Variants in NBAS observed in about 807,000 individuals in gnomAD.
NBAS encodes the protein NAG/BC035112 fusion.
In NBAS, 219 loss-of-function variants were observed where a neutral mutation model predicts 302.5. The ratio of observed to expected loss-of-function variants is 0.72; its 90% CI spans 0.65 to 0.81. The LOEUF is 0.81. NBAS is among the 30% of genes least tolerant of loss of function. The pLI, the probability that NBAS is intolerant of heterozygous loss-of-function variation, is 0.00. For missense variants in NBAS, 2,932 were observed against 2,841.6 expected (o/e 1.03, Z -0.72); for synonymous variants, 1,118 against 1,021.6 (o/e 1.09, Z -1.80).
chr2:15,537,063 T>C (rs760596492), intron 7 of NBAS, among the ~76,000 whole-genome samples: 1 of 152,206 alleles, frequency 6.6e-6, no homozygotes, highest in Non-Finnish European at 1.5e-5. Context: ...TGCTAAAGAT[T>C]TGAAGGCCTG....
chr2:15,279,264 T>C (rs1024119746), intron 42 of NBAS, among the ~76,000 whole-genome samples: 11 of 152,174 alleles, frequency 7.2e-5, no homozygotes, highest in Non-Finnish European at 1.2e-4. Context: ...TATCAACTTA[T>C]AGATGATAAA....
intron 47 of NBAS, among the ~76,000 whole-genome samples, chr2:15,219,320 TC>T (rs199832242): frequency 1.8e-4 from 27 of 150,818 alleles, no homozygotes; most frequent in East Asian, 9.8e-4. Flanking sequence ...TTTTTTCTTT[TC>T]TTTTTTTTTA....
chr2:15,364,198 C>T (rs1674080814), intron 32 of NBAS, among the ~76,000 whole-genome samples: 1 of 152,140 alleles, frequency 6.6e-6, no homozygotes, highest in Non-Finnish European at 1.5e-5. Flanking sequence ...ATAAAATACA[C>T]TGGAAATGAA....
the NBAS span, among the ~76,000 whole-genome samples, chr2:14,849,716 A>G: frequency 1.8e-4 from 25 of 142,316 alleles, no homozygotes; most frequent in Admixed American, 1.7e-3. Flanking sequence ...AGCCCATCAG[A>G]CTAACAGCAG....
intron 40 of NBAS, among the ~76,000 whole-genome samples, chr2:15,296,729 C>T (rs1222457086): frequency 6.6e-6 from 1 of 151,994 alleles, no homozygotes; most frequent in East Asian, 1.9e-4. Context: ...GTCCTACCTA[C>T]TAGGGAGGCT....
chr2:15,529,654 A>G (rs2148673058), intron 9 of NBAS, among the ~76,000 whole-genome samples: 1 of 152,336 alleles, frequency 6.6e-6, no homozygotes, highest in African/African-American at 2.4e-5. Flanking sequence ...TCAGAGTGCC[A>G]TGGGTACTGT....
chr2:15,497,171 T>C (rs1197221911), intron 11 of NBAS, among the ~76,000 whole-genome samples: 5 of 152,186 alleles, frequency 3.3e-5, no homozygotes, highest in Non-Finnish European at 7.4e-5. Flanking sequence ...GGCCAGCTTA[T>C]GTAATGTCTT....
the NBAS span, among the ~76,000 whole-genome samples, chr2:14,972,047 AC>A: frequency 6.6e-6 from 1 of 152,136 alleles, no homozygotes; most frequent in Non-Finnish European, 1.5e-5. Context: ...AGAGATATGT[AC>A]AGAGAAAAAA....
chr2:14,816,358 T>A, the NBAS span, among the ~76,000 whole-genome samples: 1 of 152,212 alleles, frequency 6.6e-6, no homozygotes, highest in Non-Finnish European at 1.5e-5. Flanking sequence ...CTAGGTTGCA[T>A]GCTCCTTATG....
chr2:15,478,258 C>A lies in NBAS; in HGVS notation c.1115G>T (p.Arg372Met). 1 of 1,611,602 alleles carries A rather than the reference C, an allele frequency of 6.2e-7. No individual in the cohort carries two copies. Among genetic ancestry groups the A allele is most frequent in the Non-Finnish European group, 8.5e-7 (1 of 1,178,004 alleles). Residue 372 changes from arginine (R) to methionine (M), a missense_variant, in exon 13 of 52, where the codon AGG (arginine) becomes ATG (methionine). Transcript: ENST00000281513. ...PGYDDLNPDW[R>M]LSTEKRKKIK... Reference sequence around the variant, plus strand: ...TTTTTTTCTCTTCTCAGTAGAGAGCCTCCAATCAGGATTAAGGTCATCATA... The same window carrying A: ...TTTTTTTCTCTTCTCAGTAGAGAGCATCCAATCAGGATTAAGGTCATCATA...
At chr2:14,881,087 A>ATGT in the NBAS span, among the ~76,000 whole-genome samples, 1 of 152,184 alleles carries the variant, frequency 6.6e-6, no homozygotes. Flanking sequence ...GAATCCACCT[A>ATGT]AGTGTCCATC....
chr2:15,183,432 T>G (rs1159447632), intron 50 of NBAS, among the ~76,000 whole-genome samples: 1 of 152,214 alleles, frequency 6.6e-6, no homozygotes, highest in South Asian at 2.1e-4. Context: ...GATAACGACC[T>G]ACTTTGCAAC....
the NBAS span, among the ~76,000 whole-genome samples, chr2:15,093,945 G>A: frequency 9.9e-5 from 15 of 152,256 alleles, no homozygotes; most frequent in Non-Finnish European, 1.6e-4. Flanking sequence ...CTTCACAGAT[G>A]TAAAGTGTTA....
chr2:15,538,627 G>A (rs1553335060), intron 7 of NBAS, among the ~76,000 whole-genome samples: 1 of 152,224 alleles, frequency 6.6e-6, no homozygotes, highest in East Asian at 1.9e-4. Flanking sequence ...TTCAGTTGAT[G>A]AAGGAGGATA....
chr2:15,061,285 G>A, the NBAS span, among the ~76,000 whole-genome samples: 1 of 152,178 alleles, frequency 6.6e-6, no homozygotes, highest in Admixed American at 6.5e-5. Flanking sequence ...AAAAGAACAA[G>A]GCTCTGGAGT....
rs1204216466 is a variant in NBAS at position 15,495,003 on chromosome 2, AAC to A, written c.955-5983_955-5982del. Among the ~76,000 whole-genome samples, 5 of 152,320 alleles carry A rather than the reference AAC, an allele frequency of 3.3e-5. No individual in the cohort carries two copies. In the South Asian group the frequency reaches 1.0e-3, roughly 32 times the overall value. On this transcript the variant is annotated intron_variant, in intron 11 of 51. Coordinates refer to ENST00000281513, the MANE Select transcript of NBAS (RefSeq NM_015909.4). ...ACAATAACTCTCCTAACACGCAGGG[AAC>A]ATCTCTTGGCATTCACAATAGGCAA...
At chr2:14,891,634 G>A in the NBAS span, among the ~76,000 whole-genome samples, 4 of 152,112 alleles carry the variant, frequency 2.6e-5, no homozygotes, top group Non-Finnish European at 5.9e-5. Context: ...TGAGCATGAC[G>A]GAGAGCAAAT....
intron 11 of NBAS, among the ~76,000 whole-genome samples, chr2:15,493,175 G>T (rs749485316): frequency 1.3e-5 from 2 of 152,160 alleles, no homozygotes; most frequent in East Asian, 1.9e-4. Context: ...TTCATCTTCC[G>T]CCATGATTGT....
At position 15,427,707 on chromosome 2, in the gene NBAS, T is replaced by A; in HGVS notation, c.2423+4A>T. The A allele has an allele frequency of 6.2e-7, 1 of 1,606,212 alleles. No individual in the cohort carries two copies. The highest frequency in any genetic ancestry group is 8.5e-7 in the Non-Finnish European group (1 of 1,174,496). On this transcript the variant is annotated splice_donor_region_variant and intron_variant, in intron 22 of 51. Transcript: ENST00000281513. Reference sequence around the variant, plus strand: ...AAAGATGCCTCCTGCAGGCTCATACTGACCTGCAAGCCAACTCCTCGCACC... The same window carrying A: ...AAAGATGCCTCCTGCAGGCTCATACAGACCTGCAAGCCAACTCCTCGCACC...
Sources: allele counts gnomAD v4.1 joint callset (sites outside exome capture counted in the v4.1 genomes callset), GRCh38; gene constraint gnomAD v4.1.1; transcripts MANE v1.5; gene names NCBI Gene and HGNC (gene_info 2026-07-23, HGNC 2026-07-21).